Variants in PLCB4 observed in about 807,000 individuals in gnomAD.
The protein encoded by PLCB4 is phospholipase C beta 4.
In PLCB4, 77 loss-of-function variants were observed where a neutral mutation model predicts 178.8. The observed-to-expected ratio is 0.43, with a 90% CI of 0.36 to 0.52. The LOEUF (loss-of-function observed/expected upper bound fraction) is 0.52. Among genes scored for constraint, PLCB4 ranks in the 20% least tolerant of loss-of-function variants. The pLI is 0.00. For synonymous variants in PLCB4, 496 were observed against 490.8 expected, an observed-to-expected ratio of 1.01 and a Z score of -0.14; for missense variants, 1,024 against 1,453.4, an observed-to-expected ratio of 0.70 and a Z score of 4.80.
chr20:9,107,774 T>A (rs1159813863), intron 2 of PLCB4, among the ~76,000 whole-genome samples: 1 of 152,088 alleles, frequency 6.6e-6, no homozygotes, highest in Admixed American at 6.6e-5. Flanking sequence ...TTGAGAAGAC[T>A]CACGTTGGCT....
intron 4 of PLCB4, among the ~76,000 whole-genome samples, chr20:9,321,436 G>A (rs2147961410): frequency 6.6e-6 from 1 of 152,226 alleles, no homozygotes; most frequent in African/African-American, 2.4e-5. Context: ...TTCATTAATA[G>A]GCTGGAACCA....
chr20:9,273,428 G>C (rs1199160788), intron 3 of PLCB4, among the ~76,000 whole-genome samples: 1 of 152,036 alleles, frequency 6.6e-6, no homozygotes, highest in East Asian at 1.9e-4. Context: ...AGGCATGCCT[G>C]CTATTTGAAT....
intron 2 of PLCB4, among the ~76,000 whole-genome samples, chr20:9,138,010 G>GT (rs1231616350): frequency 1.3e-5 from 2 of 152,062 alleles, no homozygotes; most frequent in Non-Finnish European, 2.9e-5. Flanking sequence ...AGAATTTTAC[G>GT]TGCATATAAA....
intron 2 of PLCB4, among the ~76,000 whole-genome samples, chr20:9,205,019 C>T (rs2093599584): frequency 6.6e-6 from 1 of 152,136 alleles, no homozygotes; most frequent in Non-Finnish European, 1.5e-5. Flanking sequence ...CAGTTCTTGA[C>T]TTATGATGGT....
chr20:9,131,253 TTCTC>T (rs1413939084), intron 2 of PLCB4, among the ~76,000 whole-genome samples: 2 of 152,090 alleles, frequency 1.3e-5, no homozygotes, highest in African/African-American at 4.8e-5. Context: ...TCTTCCCTCT[TTCTC>T]TCCCTTTTTC....
intron 3 of PLCB4, among the ~76,000 whole-genome samples, chr20:9,303,985 C>T (rs2094735144): frequency 6.6e-6 from 1 of 152,028 alleles, no homozygotes; most frequent in Non-Finnish European, 1.5e-5. Context: ...CCTCCTCATC[C>T]TCCCTTCTGC....
chr20:9,296,008 G>A (rs1376840358), intron 3 of PLCB4, among the ~76,000 whole-genome samples: 1 of 152,088 alleles, frequency 6.6e-6, no homozygotes, highest in Admixed American at 6.6e-5. Context: ...TTGACAAATG[G>A]GATCTAATTA....
rs369262177 is a variant in PLCB4 at position 9,429,616 on chromosome 20, T to C, written c.2524+5664T>C. ...TACACAAGTAGGTAAGTATGAGATA[T>C]TTGAGGTAGAGCTTTTCATTCTCTG... On this transcript the variant is annotated intron_variant, in intron 28 of 39. Coordinates refer to ENST00000378473, the MANE Select transcript of PLCB4 (RefSeq NM_001377142.1). 2.7e-4 allele frequency among the ~76,000 whole-genome samples: 41 copies of C among 152,346 alleles called. 1 individual carries two copies. Among genetic ancestry groups the C allele is most frequent in the African/African-American group, 9.9e-4 (41 of 41,582 alleles).
chr20:9,317,181 T>TTGATGG (rs1257658978), intron 4 of PLCB4, among the ~76,000 whole-genome samples: 1 of 152,212 alleles, frequency 6.6e-6, no homozygotes, highest in Non-Finnish European at 1.5e-5. Context: ...CAAATTGGTT[T>TTGATGG]TGATGGTAAT....
Position 9,111,935 on chromosome 20 carries a change from C to T in PLCB4, c.-79+15593C>T, listed in dbSNP as rs1007510057. The stretch of plus-strand genomic sequence containing the variant: ...TATGTATTTAATGTGTCTTAAAGTC[C>T]ACTAGTGGAAGTATTACTATCACCT... On this transcript the variant is annotated intron_variant, in intron 2 of 39. Coordinates refer to ENST00000378473, the MANE Select transcript of PLCB4 (RefSeq NM_001377142.1). Among the ~76,000 whole-genome samples, 10 of 152,060 alleles carry T rather than the reference C, an allele frequency of 6.6e-5. No homozygotes were observed. In the East Asian group the frequency reaches 7.8e-4, roughly 12 times the overall value.
At chr20:9,293,282 G>A (rs556011253) in intron 3 of PLCB4, among the ~76,000 whole-genome samples, 7 of 147,904 alleles carry the variant, frequency 4.7e-5, no homozygotes, top group Admixed American at 2.7e-4. Context: ...GGAAGGGAAG[G>A]AAGGGAAAGA....
At chr20:9,351,555 T>C (rs2034344907) in intron 7 of PLCB4, among the ~76,000 whole-genome samples, 1 of 152,188 alleles carries the variant, frequency 6.6e-6, no homozygotes, top group South Asian at 2.1e-4. Context: ...TTTTTCCACT[T>C]CCACTTGTCT....
rs572875767 is a variant in PLCB4 at position 9,376,049 on chromosome 20, T to C, written c.744+2945T>C. Among the ~76,000 whole-genome samples, 276 of 152,224 alleles carry C rather than the reference T, an allele frequency of 1.8e-3. 3 individuals carry two copies. The highest frequency in any genetic ancestry group is 6.0e-3 in the African/African-American group (249 of 41,548). ...GAGACTATATATATAGTCCATTTACTGCTTTGGTCACCCTGTAGGGTGACC... is the reference window on the plus strand; with the variant it reads ...GAGACTATATATATAGTCCATTTACCGCTTTGGTCACCCTGTAGGGTGACC... On this transcript the variant is annotated intron_variant, in intron 12 of 39. Coordinates refer to ENST00000378473, the MANE Select transcript of PLCB4 (RefSeq NM_001377142.1).
chr20:9,380,158 A>C lies in PLCB4; in HGVS notation c.849A>C (p.Lys283Asn). ...EMYEPDEDLKKKGLISSDGFC... is the reference protein window; with the variant it reads ...EMYEPDEDLKNKGLISSDGFC... ...ATGAACCTGATGAAGATTTGAAGAA[A>C]AAAGGTAATAAACATGAAAAAAGGA... Residue 283 changes from lysine to asparagine, a missense_variant, in exon 13 of 40, where the codon AAA (lysine) becomes AAC (asparagine). Around this residue, in one of 7 missense-constraint regions of PLCB4, gnomAD observed 37 missense variants for 28.6 expected, o/e 1.30. Coordinates refer to ENST00000378473, the MANE Select transcript of PLCB4 (RefSeq NM_001377142.1). 6.9e-7 allele frequency: 1 copy of C among 1,439,310 alleles called. No homozygotes were observed. The highest frequency in any genetic ancestry group is 2.3e-5 in the East Asian group (1 of 43,260). 89.2% of individuals were successfully genotyped at this position (1,439,310 alleles called of 1,614,324 possible).
intron 4 of PLCB4, among the ~76,000 whole-genome samples, chr20:9,315,830 G>C (rs2094892387): frequency 6.6e-6 from 1 of 152,056 alleles, no homozygotes; most frequent in Non-Finnish European, 1.5e-5. Flanking sequence ...CAACTCAGGA[G>C]GCTAAGGCAC....
At chr20:9,438,056 G>C (rs2041881729) in intron 30 of PLCB4, among the ~76,000 whole-genome samples, 1 of 152,098 alleles carries the variant, frequency 6.6e-6, no homozygotes, top group Non-Finnish European at 1.5e-5. Flanking sequence ...TCAAAAGGAA[G>C]GAAGAATAGA....
chr20:9,225,562 A>G (rs2093853647), intron 3 of PLCB4, among the ~76,000 whole-genome samples: 3 of 152,168 alleles, frequency 2.0e-5, no homozygotes, highest in Non-Finnish European at 4.4e-5. Flanking sequence ...AAGTCATTGT[A>G]TTACGGTTGT....
chr20:9,417,417 A>G (rs903478364), intron 25 of PLCB4, among the ~76,000 whole-genome samples: 1 of 152,118 alleles, frequency 6.6e-6, no homozygotes, highest in African/African-American at 2.4e-5. Flanking sequence ...ATATTTGCCT[A>G]TTCTGAACAT....
At chr20:9,198,003 A>T (rs1417719529) in intron 2 of PLCB4, among the ~76,000 whole-genome samples, 3 of 152,278 alleles carry the variant, frequency 2.0e-5, no homozygotes, top group Non-Finnish European at 2.9e-5. Flanking sequence ...AAATAAAAAA[A>T]AAAACAAAAT....
Sources: gnomAD v4.1 joint callset for allele counts (sites outside exome capture counted in the v4.1 genomes callset) on GRCh38, gnomAD v4.1.1 for gene constraint, gnomAD v4.1.1 regional missense constraint, MANE v1.5 for transcripts, NCBI Gene and HGNC (gene_info 2026-07-23, HGNC 2026-07-21) for gene names.